The following ADAM22 variants were observed in gnomAD, a reference collection of about 807,000 sequenced individuals.
ADAM22 encodes the protein disintegrin and metalloproteinase domain-containing protein 22.
A neutral mutation model predicts 144.6 loss-of-function variants in ADAM22; 65 were observed. The observed-to-expected ratio is 0.45, with a 90% confidence interval of 0.37 to 0.55. The LOEUF is 0.55. Among genes scored for constraint, ADAM22 ranks in the 20% least tolerant of loss-of-function variants. ADAM22 has a pLI of 0.00. For synonymous variants in ADAM22, 391 were observed against 412.6 expected, an observed-to-expected ratio of 0.95 and a Z score of 0.63; for missense variants, 974 against 1,184.9, an observed-to-expected ratio of 0.82 and a Z score of 2.61.
chr7:87,974,704 T>G (rs1318831407), intron 2 of ADAM22, among the ~76,000 whole-genome samples: 1 of 152,154 alleles, frequency 6.6e-6, no homozygotes, highest in Non-Finnish European at 1.5e-5. Flanking sequence ...CTTCGTTGCC[T>G]GAAACAACAA....
Position 88,196,761 on chromosome 7 carries a change from G to A in ADAM22, c.*270G>A, listed in dbSNP as rs905275483. ...GTACTGGTATGTTAATGGATAATCC[G>A]CATGACAGATAATATGTAGAAATAT... On this transcript the variant is annotated 3_prime_UTR_variant, in exon 32 of 32. Transcript: ENST00000413139. 3.0e-4 allele frequency: 139 copies of A among 469,714 alleles called. 1 individual carries two copies. Among genetic ancestry groups the A allele is most frequent in the Non-Finnish European group, 3.8e-4 (98 of 258,632 alleles). 29.1% of individuals were successfully genotyped at this position (469,714 alleles called of 1,614,324 possible). A position where few individuals can be genotyped will look rare whatever the true frequency, so the allele number is the denominator to read the frequency against.
chr7:88,075,151 T>C (rs1813957787), intron 3 of ADAM22, among the ~76,000 whole-genome samples: 1 of 152,252 alleles, frequency 6.6e-6, no homozygotes, highest in Admixed American at 6.5e-5. Flanking sequence ...TGATGGTATA[T>C]ATTCCATTTC....
chr7:88,166,774 T>G lies in ADAM22; in HGVS notation c.2191+828T>G, dbSNP rs115551043. Among the ~76,000 whole-genome samples, 1,119 of 152,200 alleles carry G rather than the reference T, an allele frequency of 7.4e-3. 19 individuals carry two copies. Among genetic ancestry groups the G allele is most frequent in the African/African-American group, 0.026 (1,064 of 41,542 alleles). ...CTTAGCAGTGGTAGTGTGGAGCTTG[T>G]TCCAGTAATTAATTCAAAGACAATA... On this transcript the variant is annotated intron_variant, in intron 24 of 31. Transcript: ENST00000413139.
At chr7:88,136,337 A>G (rs954983537) in intron 14 of ADAM22, among the ~76,000 whole-genome samples, 13 of 152,126 alleles carry the variant, frequency 8.5e-5, no homozygotes, top group Non-Finnish European at 1.6e-4. Context: ...AATGGTTTAT[A>G]AACAGTAGTG....
chr7:88,159,344 C>T (rs2129528706), intron 22 of ADAM22, among the ~76,000 whole-genome samples: 1 of 152,208 alleles, frequency 6.6e-6, no homozygotes, highest in Middle Eastern at 3.4e-3. Context: ...AGAGCTGGCA[C>T]CATTCCTACT....
At chr7:88,183,530 A>AT (rs1847602295) in intron 29 of ADAM22, among the ~76,000 whole-genome samples, 3 of 152,162 alleles carry the variant, frequency 2.0e-5, no homozygotes, top group Admixed American at 2.0e-4. Flanking sequence ...GCAGTTACTT[A>AT]TTTTTTTAAA....
intron 2 of ADAM22, among the ~76,000 whole-genome samples, chr7:87,976,688 GC>G (rs1221988496): frequency 6.6e-6 from 1 of 152,112 alleles, no homozygotes; most frequent in East Asian, 1.9e-4. Context: ...AAAGGTCTCA[GC>G]AAAATTAATG....
chr7:88,156,069 A>G, intron 22 of ADAM22, 63 bp downstream of exon 22: 2 of 1,581,310 alleles, frequency 1.3e-6, no homozygotes, highest in South Asian at 1.1e-5. Context: ...GCAGTTTAGG[A>G]TTCCTTCCGT....
At chr7:88,176,720 A>G (rs924739135) in intron 26 of ADAM22, among the ~76,000 whole-genome samples, 2 of 152,170 alleles carry the variant, frequency 1.3e-5, no homozygotes, top group African/African-American at 2.4e-5. Flanking sequence ...AGTGTAGTTC[A>G]GTGCTCTTGT....
At chr7:88,180,651 A>G (rs1846773818) in intron 27 of ADAM22, among the ~76,000 whole-genome samples, 1 of 152,138 alleles carries the variant, frequency 6.6e-6, no homozygotes, top group Non-Finnish European at 1.5e-5. Context: ...TATTTTCTAA[A>G]GTTCCTATAA....
intron 3 of ADAM22, among the ~76,000 whole-genome samples, chr7:87,995,192 A>G (rs1485443174): frequency 6.6e-6 from 1 of 152,188 alleles, no homozygotes; most frequent in Non-Finnish European, 1.5e-5. Flanking sequence ...TTCCCTCTGC[A>G]AAAATGATAT....
At chr7:88,065,014 T>C (rs1810859979) in intron 3 of ADAM22, among the ~76,000 whole-genome samples, 1 of 152,150 alleles carries the variant, frequency 6.6e-6, no homozygotes, top group Admixed American at 6.6e-5. Flanking sequence ...ATTGCTGTTA[T>C]TTTTAAAATT....
chr7:88,037,228 C>G (rs1012856943), intron 3 of ADAM22, among the ~76,000 whole-genome samples: 1 of 152,032 alleles, frequency 6.6e-6, no homozygotes. Flanking sequence ...GCCCAGTTTT[C>G]TAGTGGATTT....
intron 27 of ADAM22, among the ~76,000 whole-genome samples, chr7:88,179,635 G>A (rs772902138): frequency 3.3e-5 from 5 of 151,948 alleles, no homozygotes; most frequent in Admixed American, 6.6e-5. Context: ...AATTTTGCCT[G>A]AGTTTTATAA....
intron 4 of ADAM22, among the ~76,000 whole-genome samples, chr7:88,102,421 G>C (rs969324406): frequency 6.6e-5 from 10 of 152,110 alleles, no homozygotes; most frequent in African/African-American, 2.4e-4. Context: ...TCTTGTACAA[G>C]GGTTCTCAAG....
At chr7:88,170,954 A>G (rs1844169997) in intron 25 of ADAM22, among the ~76,000 whole-genome samples, 1 of 152,072 alleles carries the variant, frequency 6.6e-6, no homozygotes, top group Non-Finnish European at 1.5e-5. Flanking sequence ...AACATTGAAC[A>G]AGTATTTCCA....
At chr7:88,121,340 A>T (rs182763559) in intron 7 of ADAM22, among the ~76,000 whole-genome samples, 42 of 152,320 alleles carry the variant, frequency 2.8e-4, no homozygotes, top group African/African-American at 9.1e-4. Flanking sequence ...TATTATTAGT[A>T]GTGAGACTAA....
chr7:88,000,038 CAG>C (rs1792164026), intron 3 of ADAM22, among the ~76,000 whole-genome samples: 1 of 151,430 alleles, frequency 6.6e-6, no homozygotes, highest in Admixed American at 6.6e-5. Context: ...CTCAAAATGA[CAG>C]AGTTTACCAA....
At chr7:88,108,463 C>T (rs996635998) in intron 5 of ADAM22, among the ~76,000 whole-genome samples, 1 of 151,812 alleles carries the variant, frequency 6.6e-6, no homozygotes, top group African/African-American at 2.4e-5. Flanking sequence ...CGTGGTGGCT[C>T]ATGCCTATAA....
Sources: allele counts gnomAD v4.1 joint callset (sites outside exome capture counted in the v4.1 genomes callset), GRCh38; gene constraint gnomAD v4.1.1; transcripts MANE v1.5; gene names NCBI Gene and HGNC (gene_info 2026-07-23, HGNC 2026-07-21).